The following ITGA2 variants were observed in gnomAD, a reference collection of about 807,000 sequenced individuals.
ITGA2 encodes the protein integrin alpha-2.
In ITGA2, 101 loss-of-function variants were observed where a neutral mutation model predicts 146.3. The observed-to-expected ratio is 0.69, with a 90% CI of 0.59 to 0.81. The LOEUF (loss-of-function observed/expected upper bound fraction) is 0.81. ITGA2 is among the 40% of genes least tolerant of loss of function. The pLI, the probability that ITGA2 is intolerant of heterozygous loss-of-function variation, is 0.00. For synonymous variants in ITGA2, 477 were observed against 487.1 expected, an observed-to-expected ratio of 0.98 and a Z score of 0.27; for missense variants, 1,281 against 1,402.7, an observed-to-expected ratio of 0.91 and a Z score of 1.39.
At position 53,091,921 on chromosome 5, in the gene ITGA2, T is replaced by C. The variant is rs369001095; in HGVS notation, c.*1322T>C. The C allele has an allele frequency of 1.4e-4, 22 of 152,344 alleles. No individual in the cohort carries two copies. The highest frequency in any genetic ancestry group is 2.2e-4 in the African/African-American group (9 of 41,590). The allele number at this position is 152,344 out of a possible 1,614,324, so 9.4% of individuals were successfully genotyped here. ...CCACCAAATTAGCAGGTGCACCTTC[T>C]GTGGCTGTCTTGTTTCTGAAGTACT... On this transcript the variant is annotated 3_prime_UTR_variant, in exon 30 of 30. Transcript: ENST00000296585.
chr5:53,008,676 G>T (rs905210550), intron 1 of ITGA2, among the ~76,000 whole-genome samples: 3 of 151,954 alleles, frequency 2.0e-5, no homozygotes, highest in African/African-American at 7.3e-5. Context: ...ATTGAGATAA[G>T]ATTTATTCAA....
intron 1 of ITGA2, among the ~76,000 whole-genome samples, chr5:53,018,990 G>A (rs1742538140): frequency 6.6e-6 from 1 of 152,048 alleles, no homozygotes; most frequent in Non-Finnish European, 1.5e-5. Flanking sequence ...CTTGAACCCG[G>A]GAGGCGGAGG....
intron 13 of ITGA2, 109 bp downstream of exon 13, chr5:53,063,038 G>T (rs1211328361): frequency 6.7e-6 from 6 of 901,316 alleles, no homozygotes; most frequent in East Asian, 2.7e-5. Flanking sequence ...TGCACAGATA[G>T]TATGGTTTAC....
chr5:53,074,188 C>A (rs189822770), intron 20 of ITGA2, among the ~76,000 whole-genome samples, 197 bp from the exon 21 acceptor site: 3 of 151,872 alleles, frequency 2.0e-5, no homozygotes, highest in African/African-American at 4.8e-5. Flanking sequence ...TTCTAGGTAT[C>A]TTTAGGGTTA....
intron 2 of ITGA2, among the ~76,000 whole-genome samples, chr5:53,035,623 A>G (rs75018002): frequency 0.03 from 4,629 of 152,260 alleles, 125 homozygotes; most frequent in East Asian, 0.074. Context: ...TAAAAAATGA[A>G]ATGACTCTTT....
intron 10 of ITGA2, among the ~76,000 whole-genome samples, chr5:53,058,701 C>T (rs1469780495): frequency 6.6e-6 from 1 of 151,664 alleles, no homozygotes; most frequent in Non-Finnish European, 1.5e-5. Context: ...AGAAAGAGAT[C>T]CTGGGAATTA....
intron 1 of ITGA2, among the ~76,000 whole-genome samples, chr5:53,018,258 T>G (rs1319751198): frequency 6.6e-6 from 1 of 152,162 alleles, no homozygotes; most frequent in African/African-American, 2.4e-5. Flanking sequence ...CATATTCTGC[T>G]GTTGTTAAAT....
chr5:53,074,021 T>C (rs1226554798), intron 20 of ITGA2, among the ~76,000 whole-genome samples: 1 of 151,474 alleles, frequency 6.6e-6, no homozygotes, highest in Non-Finnish European at 1.5e-5. Flanking sequence ...TACTTTCTTC[T>C]CTTGAAAATG....
intron 1 of ITGA2, among the ~76,000 whole-genome samples, chr5:52,995,602 A>C (rs1156381622): frequency 6.6e-6 from 1 of 152,198 alleles, no homozygotes; most frequent in Non-Finnish European, 1.5e-5. Flanking sequence ...GAAGGAGAGC[A>C]AGTTGGAGGA....
At chr5:52,989,721 C>T (rs1740826722) in intron 1 of ITGA2, among the ~76,000 whole-genome samples, 189 bp downstream of exon 1, 1 of 152,146 alleles carries the variant, frequency 6.6e-6, no homozygotes, top group Non-Finnish European at 1.5e-5. Context: ...CCTGCTATCC[C>T]AGGCCTTGCG....
chr5:53,051,523 A>T lies in ITGA2; in HGVS notation c.743A>T (p.Asp248Val), dbSNP rs1744363643. 6.2e-7 allele frequency: 1 copy of T among 1,613,702 alleles called. No individual in the cohort carries two copies. Among genetic ancestry groups the T allele is most frequent in the Non-Finnish European group, 8.5e-7 (1 of 1,179,756 alleles). Residue 248 changes from aspartate to valine, a missense_variant, in exon 7 of 30, where the codon GAC (aspartate) becomes GTC (valine). Asp to Val is a radical substitution (Grantham distance 152). This residue lies in a region of ITGA2 where 795 missense variants were observed against 841.7 expected (regional missense o/e 0.94). Transcript: ENST00000296585. ...TCCCAGACATCCCAATATGGTGGGG[A>T]CCTCACAAACACATTCGGAGCAATT... ...ATSQTSQYGG[D>V]LTNTFGAIQY...
In ITGA2 at chr5:53,041,975, G is replaced by A. The variant is rs189559251; in HGVS notation, c.186-137G>A. 1,643 of 669,224 alleles carry A rather than the reference G, an allele frequency of 2.5e-3. 7 individuals carry two copies. The highest frequency in any genetic ancestry group is 3.2e-3 in the Non-Finnish European group (1,183 of 364,922). 41.5% of individuals were successfully genotyped at this position (669,224 alleles called of 1,614,324 possible). The stretch of plus-strand genomic sequence containing the variant: ...TCTTTATCAGCTAAGCAGAAAGGCA[G>A]CAGGTCAAATCATAGCTGAACAAAT... On this transcript the variant is annotated intron_variant, in intron 2 of 29. Transcript: ENST00000296585.
At chr5:53,016,672 A>G (rs1742415146) in intron 1 of ITGA2, among the ~76,000 whole-genome samples, 1 of 152,206 alleles carries the variant, frequency 6.6e-6, no homozygotes, top group Non-Finnish European at 1.5e-5. Flanking sequence ...TGATATCCTC[A>G]AATATGTTTT....
intron 2 of ITGA2, among the ~76,000 whole-genome samples, chr5:53,030,559 CA>C (rs1313808767): frequency 2.0e-5 from 3 of 152,178 alleles, no homozygotes; most frequent in African/African-American, 4.8e-5. Context: ...GCAGGAAGGA[CA>C]GAGAACAAAA....
chr5:53,006,416 A>T (rs1741853561), intron 1 of ITGA2, among the ~76,000 whole-genome samples: 1 of 152,222 alleles, frequency 6.6e-6, no homozygotes, highest in African/African-American at 2.4e-5. Context: ...GCATGAACAT[A>T]TGTGTATATA....
Position 53,090,622 on chromosome 5 carries a change from G to C in ITGA2, c.*23G>C. On this transcript the variant is annotated 3_prime_UTR_variant, in exon 30 of 30. Transcript: ENST00000296585. Reference sequence around the variant, plus strand: ...TGAACCAGCAGACCTACCTGCAGTGGGAACCGGCAGCATCCCAGCCAGGGT... The same window carrying C: ...TGAACCAGCAGACCTACCTGCAGTGCGAACCGGCAGCATCCCAGCCAGGGT... 6.3e-7 allele frequency: 1 copy of C among 1,582,244 alleles called. No homozygotes were observed. Among genetic ancestry groups the C allele is most frequent in the Non-Finnish European group, 8.7e-7 (1 of 1,150,988 alleles).
chr5:52,989,950 A>T (rs1740850041), intron 1 of ITGA2: 2 of 223,324 alleles, frequency 9.0e-6, no homozygotes, highest in South Asian at 7.7e-5. Context: ...CGCCTGCCAG[A>T]GACCAGGGAA....
intron 9 of ITGA2, among the ~76,000 whole-genome samples, chr5:53,056,574 G>A (rs1414873016): frequency 6.6e-6 from 1 of 151,904 alleles, no homozygotes; most frequent in Non-Finnish European, 1.5e-5. Flanking sequence ...ATCATAAATA[G>A]TTTTACCTTT....
Position 53,002,102 on chromosome 5 carries a change from G to T in ITGA2, c.64+12570G>T, listed in dbSNP as rs113033262. On this transcript the variant is annotated intron_variant, in intron 1 of 29. Transcript: ENST00000296585. ...TCTCCTCATACTATTTATTGATGTGGCATTTTAACTGATAGAAAATTAGAT... is the reference window on the plus strand; with the variant it reads ...TCTCCTCATACTATTTATTGATGTGTCATTTTAACTGATAGAAAATTAGAT... Among the ~76,000 whole-genome samples the T allele has an allele frequency of 8.3e-3, 1,265 of 151,936 alleles. 8 individuals carry two copies. Among genetic ancestry groups the T allele is most frequent in the Non-Finnish European group, 0.015 (988 of 67,942 alleles).
Sources: allele counts gnomAD v4.1 joint callset (sites outside exome capture counted in the v4.1 genomes callset), GRCh38; gene constraint gnomAD v4.1.1; regional missense constraint gnomAD v4.1.1; transcripts MANE v1.5; gene names NCBI Gene and HGNC (gene_info 2026-07-23, HGNC 2026-07-21).